HEG1: variants seen among roughly 807,000 people sequenced by gnomAD.
HEG1 encodes the protein protein HEG homolog 1.
In HEG1, 56 loss-of-function variants were observed where a neutral mutation model predicts 125.6. That is an observed-to-expected ratio of 0.45 (90% CI 0.36 to 0.56). The LOEUF is 0.56. Ranked by LOEUF, HEG1 falls within the 20% of genes least tolerant of loss-of-function variation. The pLI is 0.00. For missense variants in HEG1, 1,523 were observed against 1,670.0 expected (o/e 0.91, Z 1.53); for synonymous variants, 644 against 668.5 (o/e 0.96, Z 0.57).
chr3:125,032,763 C>T (rs531520709), intron 1 of HEG1, among the ~76,000 whole-genome samples: 15 of 152,290 alleles, frequency 9.8e-5, no homozygotes, highest in African/African-American at 3.6e-4. Flanking sequence ...ACTCAAAACC[C>T]ATGCCCCAAA....
intron 1 of HEG1, among the ~76,000 whole-genome samples, chr3:125,047,747 C>T (rs572576771): frequency 3.9e-5 from 6 of 152,204 alleles, no homozygotes; most frequent in African/African-American, 1.4e-4. Context: ...ATGATAATCA[C>T]TAGTCACAGC....
At chr3:125,051,544 C>T (rs534057369) in intron 1 of HEG1, among the ~76,000 whole-genome samples, 1 of 152,356 alleles carries the variant, frequency 6.6e-6, no homozygotes, top group African/African-American at 2.4e-5. Context: ...AGGCAAATAA[C>T]ATCCCTCACG....
intron 6 of HEG1, among the ~76,000 whole-genome samples, chr3:125,012,193 G>A (rs759925475): frequency 5.9e-5 from 9 of 152,172 alleles, no homozygotes; most frequent in East Asian, 3.8e-4. Context: ...TGATCCAGAC[G>A]CAGATACCCA....
intron 14 of HEG1, among the ~76,000 whole-genome samples, chr3:124,979,957 C>T (rs571011226): frequency 1.3e-5 from 2 of 152,256 alleles, no homozygotes; most frequent in African/African-American, 2.4e-5. Flanking sequence ...CTGGCTATTA[C>T]GTAAAACCAT....
At position 124,996,485 on chromosome 3, in the gene HEG1, C is replaced by T. The variant is rs114582027; in HGVS notation, c.3652+1204G>A. Among the ~76,000 whole-genome samples the T allele has an allele frequency of 7.0e-3, 1,066 of 152,240 alleles. 10 individuals carry two copies. Among genetic ancestry groups the T allele is most frequent in the African/African-American group, 0.022 (905 of 41,544 alleles). ...TTTGTAGCAATGTGGCAGTCTGGCA[C>T]GGCACTGAGACATGCTGTGTCCTAG... On this transcript the variant is annotated intron_variant, in intron 12 of 16. Coordinates refer to ENST00000311127, the MANE Select transcript of HEG1 (RefSeq NM_020733.2).
intron 14 of HEG1, among the ~76,000 whole-genome samples, chr3:124,987,923 G>GTACACACACACACACACACA (rs1936765830): frequency 3.3e-5 from 1 of 30,066 alleles, no homozygotes; most frequent in South Asian, 1.4e-3. Flanking sequence ...CTATATATGT[G>GTACACACACACACACACACA]TACACACACA....
rs373822605 is a variant in HEG1 at position 125,029,466 on chromosome 3, T to C, written c.339A>G (p.Pro113=). Residue 113 remains proline, a synonymous_variant, in exon 2 of 17, where the codon CCA becomes CCG. Transcript: ENST00000311127. ...CTACATGGGCCTCAGTGTTACTTTC[T>C]GGCCAATGTTTCCAGGCAGCATCTG... ...GSADAAWKHW[P]ESNTEAHVEN... 2.1e-5 allele frequency: 34 copies of C among 1,595,664 alleles called. No individual in the cohort carries two copies. The African/African-American group carries it at 4.4e-4, about 21-fold the overall frequency.
intron 6 of HEG1, among the ~76,000 whole-genome samples, chr3:125,011,245 C>CAAA (rs201989109): frequency 1.2e-4 from 18 of 145,480 alleles, no homozygotes; most frequent in African/African-American, 4.3e-4. Flanking sequence ...AGTCTTCACT[C>CAAA]AAAAAAAAAA....
intron 3 of HEG1, among the ~76,000 whole-genome samples, chr3:125,024,804 T>C (rs1937391571): frequency 6.6e-6 from 1 of 152,222 alleles, no homozygotes; most frequent in African/African-American, 2.4e-5. Context: ...TCATAGATGC[T>C]GAAACTAGAA....
rs79865337 is a variant in HEG1 at position 124,995,305 on chromosome 3, G to GA, written c.3652+2383dup. ...CAGAGCAAGGCTTTGTCTCTAAAAA[G>GA]AAAAAAAAAAAAGAATTAATCATGA... On this transcript the variant is annotated intron_variant, in intron 12 of 16. Transcript: ENST00000311127. Among the ~76,000 whole-genome samples the GA allele has an allele frequency of 2.6e-3, 347 of 133,698 alleles. 1 individual carries two copies. Among genetic ancestry groups the GA allele is most frequent in the Non-Finnish European group, 3.5e-3 (211 of 60,978 alleles). 87.7% of individuals were successfully genotyped at this position (133,698 alleles called of 152,430 possible).
chr3:124,967,516 T>C lies in HEG1; in HGVS notation c.*3136A>G, dbSNP rs1936338097. 6.8e-6 allele frequency: 1 copy of C among 148,140 alleles called. No individual in the cohort carries two copies. Among genetic ancestry groups the C allele is most frequent in the South Asian group, 2.1e-4 (1 of 4,738 alleles). The allele number at this position is 148,140 out of a possible 1,614,324, so 9.2% of individuals were successfully genotyped here. A position where few individuals can be genotyped will look rare whatever the true frequency, so the allele number is the denominator to read the frequency against. ...TAATTTGGTTACTTCTTAAAAATAA[T>C]ATTAAGGTTCCTTAAAAAAATAACT... On this transcript the variant is annotated 3_prime_UTR_variant, in exon 17 of 17. Transcript: ENST00000311127.
chr3:124,988,110 C>G (rs952287505), intron 14 of HEG1, among the ~76,000 whole-genome samples: 5 of 151,702 alleles, frequency 3.3e-5, no homozygotes, highest in Admixed American at 6.6e-5. Context: ...CAGGCTACTC[C>G]ATTCTCTGAT....
intron 12 of HEG1, among the ~76,000 whole-genome samples, chr3:124,994,037 C>T (rs774940392): frequency 2.6e-5 from 4 of 152,144 alleles, no homozygotes; most frequent in Non-Finnish European, 4.4e-5. Context: ...GCAGTCCCCA[C>T]GTTTTTGGCA....
At chr3:125,021,603 A>C (rs1288246435) in intron 3 of HEG1, among the ~76,000 whole-genome samples, 1 of 152,236 alleles carries the variant, frequency 6.6e-6, no homozygotes, top group Non-Finnish European at 1.5e-5. Flanking sequence ...GCCCCACCCC[A>C]GGTCACTGTT....
chr3:124,976,012 T>C (rs578075136), intron 15 of HEG1, among the ~76,000 whole-genome samples: 2 of 152,342 alleles, frequency 1.3e-5, no homozygotes, highest in South Asian at 2.1e-4. Flanking sequence ...GTATACCTTT[T>C]CACTTCTCTT....
intron 5 of HEG1, 118 bp from the exon 6 acceptor site, chr3:125,014,108 T>A: frequency 1.0e-6 from 1 of 974,254 alleles, no homozygotes; most frequent in Non-Finnish European, 1.5e-6. Context: ...GGTGAAACAC[T>A]TGCTTTGGAG....
chr3:124,999,487 C>T (rs1044596241), intron 11 of HEG1, among the ~76,000 whole-genome samples: 6 of 152,210 alleles, frequency 3.9e-5, no homozygotes, highest in African/African-American at 1.4e-4. Flanking sequence ...AGCAGCCAGC[C>T]AGAGTTGCCT....
chr3:124,990,619 G>A (rs987354021), intron 14 of HEG1, among the ~76,000 whole-genome samples, 168 bp downstream of exon 14: 2 of 152,056 alleles, frequency 1.3e-5, no homozygotes, highest in Admixed American at 6.5e-5. Context: ...GATTACAGGC[G>A]TGAGCCACCA....
In HEG1 at chr3:124,968,310, C is replaced by T. The variant is rs996767218; in HGVS notation, c.*2342G>A. On this transcript the variant is annotated 3_prime_UTR_variant, in exon 17 of 17. Transcript: ENST00000311127. ...GGTCACAGACATGCTTTACTCATGT[C>T]CCCTTAGAGCCTCATGCTCTGGAGG... The T allele has an allele frequency of 5.3e-5, 8 of 152,340 alleles. No individual in the cohort carries two copies. The highest frequency in any genetic ancestry group is 1.2e-4 in the Non-Finnish European group (8 of 68,148). 9.4% of individuals were successfully genotyped at this position (152,340 alleles called of 1,614,324 possible). A position where few individuals can be genotyped will look rare whatever the true frequency, so the allele number is the denominator to read the frequency against.
Sources: gnomAD v4.1 joint callset for allele counts (sites outside exome capture counted in the v4.1 genomes callset) on GRCh38, gnomAD v4.1.1 for gene constraint, MANE v1.5 for transcripts, NCBI Gene and HGNC (gene_info 2026-07-23, HGNC 2026-07-21) for gene names.